Variants in GSE1 observed in about 807,000 individuals in gnomAD.
GSE1 encodes genetic suppressor element 1.
Under a neutral mutation model 112.6 loss-of-function variants are expected in GSE1, and 32 were observed. The ratio of observed to expected loss-of-function variants is 0.28; its 90% CI spans 0.21 to 0.38. The LOEUF (loss-of-function observed/expected upper bound fraction) is 0.38, where lower values mean the gene tolerates loss of function less well. Ranked by LOEUF, GSE1 falls within the 10% of genes least tolerant of loss-of-function variation. The probability of loss-of-function intolerance (pLI) is 1.00; values close to 1 mark genes in which losing one functional copy is unlikely to be tolerated. For missense variants in GSE1, 2,348 were observed against 1,699.2 expected, an observed-to-expected ratio of 1.38 and a Z score of -6.71; for synonymous variants, 1,115 against 735.6, an observed-to-expected ratio of 1.52 and a Z score of -8.35.
chr16:85,263,344 C>T (rs1024253838), intron 1 of GSE1, among the ~76,000 whole-genome samples: 1 of 151,998 alleles, frequency 6.6e-6, no homozygotes, highest in Non-Finnish European at 1.5e-5. Flanking sequence ...GCATCAGAGG[C>T]CCCCAGAGAG....
chr16:85,307,942 T>A (rs1448974824), intron 1 of GSE1, among the ~76,000 whole-genome samples: 1 of 152,070 alleles, frequency 6.6e-6, no homozygotes, highest in Non-Finnish European at 1.5e-5. Context: ...ACTTGGGAGT[T>A]TGGGAATTTG....
At chr16:85,637,228 T>C (rs2050076958) in intron 2 of GSE1, among the ~76,000 whole-genome samples, 1 of 152,224 alleles carries the variant, frequency 6.6e-6, no homozygotes. Flanking sequence ...CCTCTGTAGA[T>C]GTACCTGTGG....
intron 2 of GSE1, among the ~76,000 whole-genome samples, chr16:85,638,234 C>A (rs1017583490): frequency 1.3e-5 from 2 of 152,240 alleles, no homozygotes; most frequent in African/African-American, 4.8e-5. Context: ...CTGTGGCATG[C>A]GCTGCCCTGG....
At chr16:85,437,209 G>A (rs573386913) in intron 2 of GSE1, among the ~76,000 whole-genome samples, 11 of 152,256 alleles carry the variant, frequency 7.2e-5, no homozygotes, top group African/African-American at 2.6e-4. Flanking sequence ...CGCCTCCGCC[G>A]CCGGGCTCCC....
chr16:85,191,573 C>T (rs950645572), intron 1 of GSE1, among the ~76,000 whole-genome samples: 92 of 152,316 alleles, frequency 6.0e-4, no homozygotes, highest in African/African-American at 2.1e-3. Flanking sequence ...CCTGTTTCCC[C>T]CTCGGCATGT....
chr16:85,250,007 C>T (rs910831119), intron 1 of GSE1, among the ~76,000 whole-genome samples: 2 of 152,244 alleles, frequency 1.3e-5, no homozygotes, highest in Non-Finnish European at 2.9e-5. Flanking sequence ...CAAGCTGTTG[C>T]GGGGTCCTCT....
chr16:85,280,240 CCT>C (rs1431301327), intron 1 of GSE1, among the ~76,000 whole-genome samples: 3 of 152,046 alleles, frequency 2.0e-5, no homozygotes, highest in Non-Finnish European at 4.4e-5. Flanking sequence ...ACACCCGGCC[CCT>C]GCTTTCCATT....
Position 85,648,766 on chromosome 16 carries a change from G to C in GSE1, c.426+15G>C, listed in dbSNP as rs1052711033. ...AGAGCCGGCAGGTGAGTGGGGCGGG[G>C]CAGGGAGCCTAGCGTCCTCTAAGTG... On this transcript the variant is annotated intron_variant, in intron 3 of 15. Coordinates refer to ENST00000253458, the MANE Select transcript of GSE1 (RefSeq NM_014615.5). 3.9e-6 allele frequency: 6 copies of C among 1,525,422 alleles called. No individual in the cohort carries two copies. The highest frequency in any genetic ancestry group is 5.3e-6 in the Non-Finnish European group (6 of 1,125,790). The allele number at this position is 1,525,422 out of a possible 1,614,324, so 94.5% of individuals were successfully genotyped here. A position where few individuals can be genotyped will look rare whatever the true frequency, so the allele number is the denominator to read the frequency against.
intron 1 of GSE1, among the ~76,000 whole-genome samples, chr16:85,248,608 C>T (rs1906124835): frequency 1.3e-5 from 2 of 152,150 alleles, no homozygotes; most frequent in Admixed American, 1.3e-4. Flanking sequence ...CCTGGGGGAG[C>T]CGCCATGATC....
At chr16:85,438,563 A>T (rs1165745761) in intron 2 of GSE1, among the ~76,000 whole-genome samples, 1 of 152,130 alleles carries the variant, frequency 6.6e-6, no homozygotes, top group African/African-American at 2.4e-5. Context: ...GGAAACTGAG[A>T]CCCACAGCAG....
At chr16:85,603,114 G>A (rs1322751832) in intron 1 of GSE1, among the ~76,000 whole-genome samples, 7 of 152,260 alleles carry the variant, frequency 4.6e-5, no homozygotes, top group African/African-American at 1.7e-4. Flanking sequence ...CAGCTGCTCA[G>A]AGCTCACGAG....
intron 1 of GSE1, among the ~76,000 whole-genome samples, chr16:85,313,847 G>T (rs992775812): frequency 6.6e-6 from 1 of 152,242 alleles, no homozygotes; most frequent in African/African-American, 2.4e-5. Context: ...GAGTTGGGAG[G>T]CCGGAGGACC....
chr16:85,250,965 C>T (rs1906408296), intron 1 of GSE1, among the ~76,000 whole-genome samples: 1 of 152,234 alleles, frequency 6.6e-6, no homozygotes, highest in Admixed American at 6.5e-5. Context: ...CTGGTTTCCG[C>T]AGTCATCCAT....
At chr16:85,181,972 G>A (rs908034193) in intron 1 of GSE1, among the ~76,000 whole-genome samples, 4 of 152,194 alleles carry the variant, frequency 2.6e-5, no homozygotes, top group Non-Finnish European at 5.9e-5. Flanking sequence ...CCGTCTCACG[G>A]CTGTACACTG....
intron 1 of GSE1, among the ~76,000 whole-genome samples, chr16:85,625,938 C>T (rs1481034151): frequency 6.6e-6 from 1 of 152,132 alleles, no homozygotes; most frequent in African/African-American, 2.4e-5. Context: ...GTAGGGACTC[C>T]TGTGGCTGCA....
intron 2 of GSE1, among the ~76,000 whole-genome samples, chr16:85,388,220 ATACATACATGGGTGG>A: frequency 7.6e-6 from 1 of 132,344 alleles, no homozygotes; most frequent in Non-Finnish European, 1.6e-5. Context: ...GGATGGTTGG[ATACATACATGGGTGG>A]ATGGATGGAT....
chr16:85,437,824 G>T (rs564765486), intron 2 of GSE1, among the ~76,000 whole-genome samples: 13 of 152,302 alleles, frequency 8.5e-5, no homozygotes, highest in African/African-American at 2.9e-4. Flanking sequence ...GGTTGGACCG[G>T]CTCTGGGTTT....
chr16:85,259,187 G>T (rs1319112999), intron 1 of GSE1, among the ~76,000 whole-genome samples: 1 of 152,034 alleles, frequency 6.6e-6, no homozygotes, highest in African/African-American at 2.4e-5. Flanking sequence ...GCGGGGGCTC[G>T]TGCCCCTGGT....
Position 85,668,155 on chromosome 16 carries a change from T to C in GSE1, c.3146T>C (p.Leu1049Pro), listed in dbSNP as rs1426096502. The change falls in exon 14 of 16, where the codon CTG becomes CCG. Residue 1049 changes from leucine (L) to proline (P), a missense_variant. Coordinates refer to ENST00000253458, the MANE Select transcript of GSE1 (RefSeq NM_014615.5). ...CCCTCCACAGGGAGCGTGGCTGTGC[T>C]GTCTGCAGAGCAGAACCACAAGGTT... The part of the protein sequence containing the change: ...LQKHKGSVAV[L>P]SAEQNHKVDT... 6.3e-7 allele frequency: 1 copy of C among 1,589,988 alleles called. No homozygotes were observed. Among genetic ancestry groups the C allele is most frequent in the Non-Finnish European group, 8.6e-7 (1 of 1,165,384 alleles).
Sources: gnomAD v4.1 joint callset for allele counts (sites outside exome capture counted in the v4.1 genomes callset) on GRCh38, gnomAD v4.1.1 for gene constraint, MANE v1.5 for transcripts, NCBI Gene and HGNC (gene_info 2026-07-23, HGNC 2026-07-21) for gene names.